GOSR2: variants seen among roughly 807,000 people sequenced by gnomAD.
GOSR2 encodes golgi SNAP receptor complex member 2.
A neutral mutation model predicts 27.9 loss-of-function variants in GOSR2; 20 were observed. That is an observed-to-expected ratio of 0.72 (90% CI 0.50 to 1.04). GOSR2 has a LOEUF of 1.04. GOSR2 is among the 50% of genes least tolerant of loss of function. The pLI, the probability that GOSR2 is intolerant of heterozygous loss-of-function variation, is 0.00. For synonymous variants in GOSR2, 91 were observed against 98.8 expected (o/e 0.92, Z 0.47); for missense variants, 261 against 270.5 (o/e 0.97, Z 0.25).
chr17:46,926,656 A>G (rs1419254244), intron 1 of GOSR2, among the ~76,000 whole-genome samples: 1 of 152,224 alleles, frequency 6.6e-6, no homozygotes, highest in Non-Finnish European at 1.5e-5. Flanking sequence ...TTCCCAGTTC[A>G]GTTTGAGACA....
intron 4 of GOSR2, among the ~76,000 whole-genome samples, chr17:46,934,521 C>CA (rs930240993): frequency 1.9e-4 from 28 of 149,418 alleles, no homozygotes; most frequent in African/African-American, 3.2e-4. Context: ...AACCCTGTCT[C>CA]AAAAAAAAAG....
At position 46,935,074 on chromosome 17, in the gene GOSR2, T is replaced by A. The variant is rs1485623287; in HGVS notation, c.382T>A (p.Ser128Thr). The change falls in exon 5 of 6, where the codon TCC (serine) becomes ACC (threonine). Residue 128 changes from serine to threonine, a missense_variant. By Grantham distance (58) the Ser-to-Thr change is moderately conservative. Transcript: ENST00000640051. ...IPMDESLQFN[S>T]SLQKVHNGMD... ...AATGGACGAATCACTGCAGTTTAAC[T>A]CCTCCCTCCAGAAAGTTCACAACGG... 6.2e-7 allele frequency: 1 copy of A among 1,612,350 alleles called. No homozygotes were observed. The highest frequency in any genetic ancestry group is 1.7e-5 in the Admixed American group (1 of 60,026).
intron 5 of GOSR2, chr17:46,936,049 C>T (rs1400921624): frequency 2.0e-6 from 2 of 985,670 alleles, no homozygotes; most frequent in Non-Finnish European, 2.4e-6. Flanking sequence ...CAGTCCCTGC[C>T]ATCTCTACGG....
At chr17:46,968,440 TCC>T (rs2091357726), downstream of GOSR2, among the ~76,000 whole-genome samples, 1 of 152,178 alleles carries the variant, frequency 6.6e-6, no homozygotes, top group Non-Finnish European at 1.5e-5. Flanking sequence ...GCCTGGGGTG[TCC>T]CTCCATGCGG....
chr17:46,923,481 C>T, intron 1 of GOSR2: 4 of 1,387,330 alleles, frequency 2.9e-6, no homozygotes, highest in Non-Finnish European at 3.7e-6. Context: ...GCTGGGTAGA[C>T]TGGGTGACGG....
downstream of GOSR2, among the ~76,000 whole-genome samples, chr17:46,946,082 C>T (rs556093114): frequency 1.3e-5 from 2 of 152,154 alleles, no homozygotes; most frequent in South Asian, 2.1e-4. Flanking sequence ...GTGGCCACCT[C>T]CTTAGGCCAC....
intron 6 of GOSR2, among the ~76,000 whole-genome samples, chr17:46,951,991 C>T (rs1041392810): frequency 2.6e-5 from 4 of 152,142 alleles, no homozygotes; most frequent in Non-Finnish European, 4.4e-5. Flanking sequence ...CTCAGAGTGG[C>T]TATATTTGGT....
intron 6 of GOSR2, among the ~76,000 whole-genome samples, chr17:46,962,256 G>GA (rs1179572057): frequency 6.6e-6 from 1 of 151,946 alleles, no homozygotes; most frequent in Non-Finnish European, 1.5e-5. Context: ...TTGAACCCGG[G>GA]AGGTGGAGGT....
At chr17:46,923,254 G>A (rs770509830) in intron 1 of GOSR2, 33 bp downstream of exon 1, 4 of 1,550,882 alleles carry the variant, frequency 2.6e-6, no homozygotes, top group South Asian at 2.4e-5. Context: ...GCAGGGGCTA[G>A]ACGAGGCGAG....
chr17:46,969,198 C>T (rs1168253789), downstream of GOSR2, among the ~76,000 whole-genome samples: 1 of 152,346 alleles, frequency 6.6e-6, no homozygotes, highest in Non-Finnish European at 1.5e-5. Flanking sequence ...CCCAGGTTTC[C>T]AGAGCCTTCT....
chr17:46,970,322 CCT>C, downstream of GOSR2, among the ~76,000 whole-genome samples: 1 of 152,010 alleles, frequency 6.6e-6, no homozygotes, highest in African/African-American at 2.4e-5. Flanking sequence ...GGGTGGATCA[CCT>C]GAGGTCAGGA....
intron 6 of GOSR2, among the ~76,000 whole-genome samples, chr17:46,975,013 T>A (rs1034697810): frequency 1.1e-5 from 1 of 92,200 alleles, no homozygotes; most frequent in Non-Finnish European, 2.4e-5. Context: ...TTTTTTTTTT[T>A]ATGTCCAGGG....
chr17:46,933,631 C>CTTTTTTTTTTTTTTTTTT lies in GOSR2; in HGVS notation c.337-1384_337-1383insTTTTTTTTTTTTTTTTTT, dbSNP rs5820637. On this transcript the variant is annotated intron_variant, in intron 4 of 5. Coordinates refer to ENST00000640051, the MANE Select transcript of GOSR2 (RefSeq NM_004287.5). ...AGCAGCAAAGAAACAGTGGCATAAC[C>CTTTTTTTTTTTTTTTTTT]TTTTTTTTTTTTTTGGACAATTGAA... 2.2e-4 allele frequency: 29 copies of CTTTTTTTTTTTTTTTTTT among 134,736 alleles called. 1 individual carries two copies. The highest frequency in any genetic ancestry group is 7.7e-4 in the African/African-American group (27 of 34,976). 8.3% of individuals were successfully genotyped at this position (134,736 alleles called of 1,614,324 possible). A position where few individuals can be genotyped will look rare whatever the true frequency, so the allele number is the denominator to read the frequency against.
intron 6 of GOSR2, among the ~76,000 whole-genome samples, chr17:46,965,583 C>T (rs995023126): frequency 4.0e-5 from 6 of 151,838 alleles, no homozygotes; most frequent in African/African-American, 1.5e-4. Flanking sequence ...GTTTCTGCTC[C>T]ACCCAGGGCA....
chr17:46,927,506 A>G (rs1046124976), intron 1 of GOSR2, among the ~76,000 whole-genome samples: 2 of 152,184 alleles, frequency 1.3e-5, no homozygotes, highest in Admixed American at 1.3e-4. Flanking sequence ...TTCTTCAGAA[A>G]GTTTGAAAGC....
intron 3 of GOSR2, chr17:46,931,810 T>C: frequency 1.8e-6 from 1 of 548,418 alleles, no homozygotes; most frequent in Non-Finnish European, 3.3e-6. Flanking sequence ...TTCTCTGTCA[T>C]GCATCCAGAA....
chr17:46,940,541 G>C lies in GOSR2; in HGVS notation c.*1781G>C, dbSNP rs1019401230. On this transcript the variant is annotated 3_prime_UTR_variant, in exon 6 of 6. Coordinates refer to ENST00000640051, the MANE Select transcript of GOSR2 (RefSeq NM_004287.5). ...ATTCTGAGACTGCGACGGCAAGGCT[G>C]TCCTGTCCCCCAGGCACCCAAGGAT... 4 of 1,614,126 alleles carry C rather than the reference G, an allele frequency of 2.5e-6. No homozygotes were observed. Among genetic ancestry groups the C allele is most frequent in the Non-Finnish European group, 3.4e-6 (4 of 1,179,998 alleles).
intron 3 of GOSR2, 172 bp downstream of exon 3, chr17:46,931,379 C>A (rs1224808468): frequency 1.4e-5 from 9 of 631,542 alleles, no homozygotes; most frequent in African/African-American, 9.2e-5. Context: ...TGATGCCGCT[C>A]AAAATAAATA....
chr17:46,974,991 T>TC (rs1276850125), intron 6 of GOSR2, among the ~76,000 whole-genome samples: 11 of 13,138 alleles, frequency 8.4e-4, no homozygotes, highest in African/African-American at 1.4e-3. Context: ...TATTTTCTTT[T>TC]TTTTTTTTTT....
Sources: gnomAD v4.1 joint callset for allele counts (sites outside exome capture counted in the v4.1 genomes callset) on GRCh38, gnomAD v4.1.1 for gene constraint, MANE v1.5 for transcripts, NCBI Gene and HGNC (gene_info 2026-07-23, HGNC 2026-07-21) for gene names.